Variants in RAP1GAP observed in about 807,000 individuals in gnomAD.
The protein encoded by RAP1GAP is rap1 GTPase-activating protein 1.
Under a neutral mutation model 87.2 loss-of-function variants are expected in RAP1GAP, and 35 were observed. The observed-to-expected ratio is 0.40, with a 90% CI of 0.31 to 0.53. The LOEUF (loss-of-function observed/expected upper bound fraction) is 0.53, where lower values mean the gene tolerates loss of function less well. RAP1GAP is among the 20% of genes least tolerant of loss of function. The pLI is 0.48. For missense variants in RAP1GAP, 734 were observed against 898.9 expected (o/e 0.82, Z 2.35); for synonymous variants, 375 against 363.9 (o/e 1.03, Z -0.35).
At chr1:21,628,509 A>G (rs939900752) in intron 2 of RAP1GAP, among the ~76,000 whole-genome samples, 8 of 151,672 alleles carry the variant, frequency 5.3e-5, no homozygotes, top group African/African-American at 1.7e-4. Context: ...CATGAGGTCA[A>G]GAGATCCCGA....
At chr1:21,619,440 AAGAC>A (rs71782621) in intron 4 of RAP1GAP, among the ~76,000 whole-genome samples, 15,641 of 151,768 alleles carry the variant, frequency 0.1, 988 homozygotes, top group South Asian at 0.2. Flanking sequence ...ACGAGACAGA[AAGAC>A]AGAGAAATAG....
intron 1 of RAP1GAP, chr1:21,651,679 C>T (rs1470134791): frequency 8.0e-7 from 1 of 1,248,408 alleles, no homozygotes; most frequent in Non-Finnish European, 1.1e-6. Flanking sequence ...TAGCCCAGGC[C>T]CACCCGCCCA....
chr1:21,619,083 A>G lies in RAP1GAP; in HGVS notation c.19-11T>C, dbSNP rs1004956827. The G allele has an allele frequency of 6.3e-6, 10 of 1,594,310 alleles. No homozygotes were observed. Among genetic ancestry groups the G allele is most frequent in the South Asian group, 1.1e-5 (1 of 88,066 alleles). ...ATCCATCCTGCTTCCCTGTAAGAGA[A>G]GGCAGCACTGTTACACCCTCCCAGG... is the stretch of plus-strand genomic sequence containing the variant. On this transcript the variant is annotated splice_polypyrimidine_tract_variant and intron_variant, in intron 4 of 24. Coordinates refer to ENST00000374765, the MANE Select transcript of RAP1GAP (RefSeq NM_002885.4).
At chr1:21,655,478 C>A (rs772084862) in intron 1 of RAP1GAP, among the ~76,000 whole-genome samples, 2 of 152,218 alleles carry the variant, frequency 1.3e-5, no homozygotes, top group Non-Finnish European at 2.9e-5. Context: ...TTAGTAACAT[C>A]CCATGACACT....
intron 2 of RAP1GAP, among the ~76,000 whole-genome samples, chr1:21,633,390 C>G (rs1370567205): frequency 6.6e-6 from 1 of 152,214 alleles, no homozygotes; most frequent in Non-Finnish European, 1.5e-5. Flanking sequence ...ACAGGCACCC[C>G]CCCTCTGCTG....
intron 1 of RAP1GAP, among the ~76,000 whole-genome samples, chr1:21,663,177 G>T (rs2097211990): frequency 1.3e-5 from 2 of 152,214 alleles, no homozygotes; most frequent in Non-Finnish European, 1.5e-5. Context: ...TGTCCCAGCG[G>T]CTCTGCCCAG....
chr1:21,630,669 C>A (rs566208145), intron 2 of RAP1GAP, among the ~76,000 whole-genome samples: 1 of 152,034 alleles, frequency 6.6e-6, no homozygotes, highest in Non-Finnish European at 1.5e-5. Context: ...CCTTCCCCCT[C>A]GGCCTCCTAG....
At position 21,606,177 on chromosome 1, in the gene RAP1GAP, G is replaced by A; in HGVS notation, c.1317C>T (p.Ser439=). ...TCAGCCCCATGGCATCCATGGACTG[G>A]CTGCGGCTCCGGATGACCCGCTGTG... The part of the protein sequence containing the change: ...ESFKRVIRSR[S]QSMDAMGLSN... Residue 439 remains serine, a synonymous_variant, in exon 18 of 25, where the codon AGC becomes AGT. Transcript: ENST00000374765. 1 of 1,585,166 alleles carries A rather than the reference G, an allele frequency of 6.3e-7. No individual in the cohort carries two copies. The highest frequency in any genetic ancestry group is 1.2e-5 in the South Asian group (1 of 86,900).
intron 2 of RAP1GAP, among the ~76,000 whole-genome samples, chr1:21,638,946 C>T (rs949186764): frequency 2.0e-5 from 3 of 151,706 alleles, no homozygotes; most frequent in Non-Finnish European, 2.9e-5. Context: ...TGGCTGGCTC[C>T]CAAGCCCACA....
chr1:21,627,940 CACTG>C (rs2092743332), intron 2 of RAP1GAP, among the ~76,000 whole-genome samples: 1 of 152,206 alleles, frequency 6.6e-6, no homozygotes, highest in African/African-American at 2.4e-5. Context: ...TAGTCTCAGA[CACTG>C]ACTGGCTAGG....
In RAP1GAP at chr1:21,651,641, G is replaced by A. The variant is rs1193445574; in HGVS notation, c.-148-1845C>T. 29 of 896,344 alleles carry A rather than the reference G, an allele frequency of 3.2e-5. No homozygotes were observed. The Admixed American group carries it at 5.3e-4, about 17-fold the overall frequency. 55.5% of individuals were successfully genotyped at this position (896,344 alleles called of 1,614,324 possible). On this transcript the variant is annotated intron_variant, in intron 1 of 24. Coordinates refer to ENST00000374765, the MANE Select transcript of RAP1GAP (RefSeq NM_002885.4). ...GCACGACAGCCATGCGCGCACTGAG[G>A]TCAAACGCTCAGCCCCCACAGCAGT...
rs751778429 is a variant in RAP1GAP at position 21,613,662 on chromosome 1, A to T, written c.440T>A (p.Leu147His). The T allele has an allele frequency of 6.2e-7, 1 of 1,613,836 alleles. No individual in the cohort carries two copies. Among genetic ancestry groups the T allele is most frequent in the Non-Finnish European group, 8.5e-7 (1 of 1,179,854 alleles). ...CTGGACAACATTAGGGAACTCGGTGAGGCAGGAGATGGGGATGACATCATG... is the reference window on the plus strand; with the variant it reads ...CTGGACAACATTAGGGAACTCGGTGTGGCAGGAGATGGGGATGACATCATG... ...TYHDVIPISC[L>H]TEFPNVVQMA... is the part of the protein sequence containing the mutation. The change falls in exon 9 of 25, where the codon CTC becomes CAC. Residue 147 changes from leucine (L) to histidine (H), a missense_variant. This residue lies in a region of RAP1GAP where 485 missense variants were observed against 646.2 expected (regional missense o/e 0.75). Transcript: ENST00000374765. The surrounding 1 kb of genome is among the most constrained non-coding windows in gnomAD (Gnocchi z 4.7).
At chr1:21,602,959 C>G in intron 18 of RAP1GAP, 46 bp from the exon 19 acceptor site, 1 of 1,390,180 alleles carries the variant, frequency 7.2e-7, no homozygotes, top group Non-Finnish European at 9.7e-7. Context: ...CTGGGAGCCC[C>G]AGTGCCCCCC....
chr1:21,649,811 G>A lies in RAP1GAP; in HGVS notation c.-148-15C>T. 1.3e-6 allele frequency: 2 copies of A among 1,551,760 alleles called. No individual in the cohort carries two copies. Among genetic ancestry groups the A allele is most frequent in the South Asian group, 1.2e-5 (1 of 84,052 alleles). On this transcript the variant is annotated splice_polypyrimidine_tract_variant and intron_variant, in intron 1 of 24. Transcript: ENST00000374765. Reference sequence around the variant, plus strand: ...ACTTGTCCACCCTGAAACACAACAAGAGGGGCCATAGGTGAGGGGACATCC... The same window carrying A: ...ACTTGTCCACCCTGAAACACAACAAAAGGGGCCATAGGTGAGGGGACATCC...
In RAP1GAP at chr1:21,609,997, G is replaced by A; in HGVS notation, c.999+123C>T. 7.2e-6 allele frequency: 9 copies of A among 1,241,638 alleles called. No individual in the cohort carries two copies. Among genetic ancestry groups the A allele is most frequent in the Non-Finnish European group, 9.9e-6 (9 of 909,000 alleles). The allele number at this position is 1,241,638 out of a possible 1,614,324, so 76.9% of individuals were successfully genotyped here. ...GGCGTGGTGTGAACAGTGCACCATT[G>A]AAGCCTTCCATGGTCCCCCCATTAT... On this transcript the variant is annotated intron_variant, in intron 14 of 24. Transcript: ENST00000374765. This position sits in a 1 kb window ranked among gnomAD's most constrained non-coding sequence, Gnocchi z 4.4.
intron 3 of RAP1GAP, 105 bp downstream of exon 3, chr1:21,626,199 A>G: frequency 9.4e-7 from 1 of 1,063,862 alleles, no homozygotes; most frequent in Non-Finnish European, 1.4e-6. Flanking sequence ...CTGCCTGAAC[A>G]TTTTACCTTT....
chr1:21,655,735 C>A (rs1347907390), intron 1 of RAP1GAP, among the ~76,000 whole-genome samples: 4 of 152,240 alleles, frequency 2.6e-5, no homozygotes, highest in Non-Finnish European at 5.9e-5. Flanking sequence ...AGCTGCCAGA[C>A]TGTAGAGGAA....
chr1:21,655,851 G>A (rs943986352), intron 1 of RAP1GAP, among the ~76,000 whole-genome samples: 1 of 152,202 alleles, frequency 6.6e-6, no homozygotes, highest in Non-Finnish European at 1.5e-5. Context: ...CCTTTCCAGG[G>A]AGATGGAAGG....
intron 1 of RAP1GAP, among the ~76,000 whole-genome samples, chr1:21,654,889 C>T (rs1347417556): frequency 2.6e-5 from 4 of 151,688 alleles, no homozygotes; most frequent in Admixed American, 2.6e-4. Context: ...ACCTGTAATC[C>T]CAGCACTCTG....
Sources: gnomAD v4.1 joint callset for allele counts (sites outside exome capture counted in the v4.1 genomes callset) on GRCh38, gnomAD v4.1.1 for gene constraint, gnomAD v4.1.1 regional missense constraint, Gnocchi (gnomAD v3.1) non-coding constraint, MANE v1.5 for transcripts, NCBI Gene and HGNC (gene_info 2026-07-23, HGNC 2026-07-21) for gene names.